Variants in CPA3 observed in about 807,000 individuals in gnomAD.
CPA3 encodes the protein mast cell carboxypeptidase A.
CPA3 carries 52 observed loss-of-function variants against 55.8 expected under a neutral mutation model. The observed-to-expected ratio is 0.93, with a 90% CI of 0.75 to 1.17. The LOEUF (loss-of-function observed/expected upper bound fraction) is 1.17. Among genes scored for constraint, CPA3 ranks in the 50% most tolerant of loss-of-function variants. CPA3 has a pLI of 0.00. For synonymous variants in CPA3, 179 were observed against 171.2 expected (o/e 1.05, Z -0.36); for missense variants, 547 against 509.1 (o/e 1.07, Z -0.72).
At chr3:148,879,965 C>T (rs1209288689) in intron 6 of CPA3, 76 bp downstream of exon 6, 9 of 991,216 alleles carry the variant, frequency 9.1e-6, no homozygotes, top group Non-Finnish European at 1.4e-5. Flanking sequence ...CGACATCTTT[C>T]CAAACACGCA....
intron 6 of CPA3, 180 bp from the exon 7 acceptor site, chr3:148,881,342 A>C: frequency 4.1e-6 from 2 of 486,806 alleles, no homozygotes; most frequent in Non-Finnish European, 7.3e-6. Flanking sequence ...AGTCTAAATA[A>C]GTTAGGTTTT....
At position 148,878,556 on chromosome 3, in the gene CPA3, A is replaced by T. The variant is rs1371366406; in HGVS notation, c.372+13A>T. 1 of 1,590,502 alleles carries T rather than the reference A, an allele frequency of 6.3e-7. No homozygotes were observed. The highest frequency in any genetic ancestry group is 1.7e-5 in the Admixed American group (1 of 58,588). On this transcript the variant is annotated intron_variant, in intron 4 of 10. Transcript: ENST00000296046. Reference sequence around the variant, plus strand: ...TAATTGGGAAAAGGTACAGTAAAAAATGCCTGTACTTTTTTTTAAGTTACC... The same window carrying T: ...TAATTGGGAAAAGGTACAGTAAAAATTGCCTGTACTTTTTTTTAAGTTACC...
At position 148,878,674 on chromosome 3, in the gene CPA3, G is replaced by A. The variant is rs1418029205; in HGVS notation, c.400G>A (p.Asp134Asn). 1 of 1,611,686 alleles carries A rather than the reference G, an allele frequency of 6.2e-7. No homozygotes were observed. Among genetic ancestry groups the A allele is most frequent in the Non-Finnish European group, 8.5e-7 (1 of 1,178,592 alleles). The stretch of plus-strand genomic sequence containing the variant: ...TGTGGCTTGGACTGAAAAGATGATG[G>A]ATAAGTATCCTGAAATGGTCTCTCG... ...KIVAWTEKMM[D>N]KYPEMVSRIK... The change falls in exon 5 of 11, where the codon GAT (aspartate) becomes AAT (asparagine). Residue 134 changes from aspartate to asparagine, a missense_variant. Asp to Asn is a conservative substitution (Grantham distance 23). Coordinates refer to ENST00000296046, the MANE Select transcript of CPA3 (RefSeq NM_001870.4).
At chr3:148,893,842 T>C (rs762563990) in intron 10 of CPA3, among the ~76,000 whole-genome samples, 5 of 152,186 alleles carry the variant, frequency 3.3e-5, no homozygotes, top group Non-Finnish European at 5.9e-5. Flanking sequence ...TGTGAAACCA[T>C]GGAAGTCAAA....
chr3:148,872,596 C>T (rs1714096516), intron 3 of CPA3, among the ~76,000 whole-genome samples: 1 of 152,134 alleles, frequency 6.6e-6, no homozygotes. Context: ...TAATAATGTT[C>T]AGTCAGATAC....
rs780627972 is a variant in CPA3, at chr3:148,883,679, A to C, written c.845A>C (p.Glu282Ala). ...GGCTCTGCACCAGAGTCCGAGAAAGAGACGAAAGCTGTCACTAATTTCATT... is the reference window on the plus strand; with the variant it reads ...GGCTCTGCACCAGAGTCCGAGAAAGCGACGAAAGCTGTCACTAATTTCATT... ...YRGSAPESEK[E>A]TKAVTNFIRS... Residue 282 changes from glutamate to alanine, a missense_variant, in exon 9 of 11, where the codon GAG becomes GCG. By Grantham distance (107) the Glu-to-Ala change is moderately radical. Coordinates refer to ENST00000296046, the MANE Select transcript of CPA3 (RefSeq NM_001870.4). 1 of 1,614,140 alleles carries C rather than the reference A, an allele frequency of 6.2e-7. No individual in the cohort carries two copies. The highest frequency in any genetic ancestry group is 2.2e-5 in the East Asian group (1 of 44,884).
chr3:148,872,258 G>T (rs1455970951), intron 3 of CPA3, among the ~76,000 whole-genome samples: 1 of 152,170 alleles, frequency 6.6e-6, no homozygotes. Flanking sequence ...CAAAGGGAAG[G>T]CACGTCCATC....
chr3:148,884,795 C>T (rs1238121734), intron 9 of CPA3, among the ~76,000 whole-genome samples: 2 of 151,560 alleles, frequency 1.3e-5, no homozygotes, highest in African/African-American at 4.8e-5. Context: ...TTAATGCATA[C>T]CAATGTACAG....
At chr3:148,892,291 A>G (rs184850040) in intron 10 of CPA3, among the ~76,000 whole-genome samples, 22 of 152,312 alleles carry the variant, frequency 1.4e-4, no homozygotes, top group African/African-American at 5.3e-4. Flanking sequence ...TACCTAGGGC[A>G]CCAGGCAATC....
At chr3:148,870,313 C>T (rs1714029306) in intron 3 of CPA3, among the ~76,000 whole-genome samples, 1 of 151,386 alleles carries the variant, frequency 6.6e-6, no homozygotes, top group South Asian at 2.1e-4. Context: ...GGTACTTTAA[C>T]TCAAAAGGTC....
intron 5 of CPA3, 66 bp from the exon 6 acceptor site, chr3:148,879,722 A>G (rs1008685228): frequency 8.8e-6 from 9 of 1,028,110 alleles, no homozygotes; most frequent in African/African-American, 1.6e-5. Context: ...TGAATGAGTT[A>G]TTGGTCAACA....
At chr3:148,885,812 T>A (rs574322618) in intron 9 of CPA3, among the ~76,000 whole-genome samples, 1 of 152,164 alleles carries the variant, frequency 6.6e-6, no homozygotes, top group Non-Finnish European at 1.5e-5. Flanking sequence ...AATTTGACTT[T>A]TTTCATCCCT....
At chr3:148,894,130 T>C (rs905312758) in intron 10 of CPA3, among the ~76,000 whole-genome samples, 3 of 152,192 alleles carry the variant, frequency 2.0e-5, no homozygotes, top group Non-Finnish European at 4.4e-5. Context: ...ATAGACTATC[T>C]TTCTCCACAT....
At chr3:148,876,381 ATT>A (rs879657368) in intron 3 of CPA3, among the ~76,000 whole-genome samples, 9 of 144,246 alleles carry the variant, frequency 6.2e-5, no homozygotes, top group African/African-American at 1.5e-4. Context: ...CTGATAAGAC[ATT>A]TTTTTTTTTT....
chr3:148,867,706 C>T (rs767705716), intron 2 of CPA3, among the ~76,000 whole-genome samples: 11 of 152,128 alleles, frequency 7.2e-5, no homozygotes, highest in Non-Finnish European at 1.5e-4. Context: ...TGATTGACCT[C>T]GAGGTAGAGG....
chr3:148,876,677 A>G (rs1714213508), intron 3 of CPA3, among the ~76,000 whole-genome samples: 1 of 152,064 alleles, frequency 6.6e-6, no homozygotes, highest in Admixed American at 6.6e-5. Flanking sequence ...ATGCCCAGCC[A>G]AGACATTTAT....
At chr3:148,874,050 CT>C (rs1714143293) in intron 3 of CPA3, among the ~76,000 whole-genome samples, 1 of 152,164 alleles carries the variant, frequency 6.6e-6, no homozygotes, top group South Asian at 2.1e-4. Flanking sequence ...AGTAGAAGGG[CT>C]TGTGAAAATA....
chr3:148,873,219 T>C (rs971787499), intron 3 of CPA3, among the ~76,000 whole-genome samples: 2 of 152,188 alleles, frequency 1.3e-5, no homozygotes, highest in East Asian at 1.9e-4. Context: ...CAGGGGGATA[T>C]TGAATCTTAG....
Position 148,881,589 on chromosome 3 carries a change from T to G in CPA3, c.644T>G (p.Leu215Arg). 6.2e-7 allele frequency: 1 copy of G among 1,613,142 alleles called. No individual in the cohort carries two copies. Residue 215 changes from leucine to arginine, a missense_variant, in exon 7 of 11, where the codon CTT becomes CGT. Leu to Arg is a moderately radical substitution (Grantham distance 102). Transcript: ENST00000296046. Reference protein sequence around the residue: ...KLLDRMNFYILPVFNVDGYIW... With the variant: ...KLLDRMNFYIRPVFNVDGYIW... ...TTGGACCGAATGAATTTTTACATTC[T>G]TCCTGTGTTCAATGTTGATGGATAT... is the stretch of plus-strand genomic sequence containing the variant.
Sources: allele counts gnomAD v4.1 joint callset (sites outside exome capture counted in the v4.1 genomes callset), GRCh38; gene constraint gnomAD v4.1.1; transcripts MANE v1.5; gene names NCBI Gene and HGNC (gene_info 2026-07-23, HGNC 2026-07-21).